Variants in SMOX observed in about 807,000 individuals in gnomAD.
SMOX encodes the protein flavin containing amine oxidase.
In SMOX, 22 loss-of-function variants were observed where a neutral mutation model predicts 51.0. That is an observed-to-expected ratio of 0.43 (90% CI 0.31 to 0.62). The LOEUF (loss-of-function observed/expected upper bound fraction) is 0.62. SMOX is among the 20% of genes least tolerant of loss of function. The probability of loss-of-function intolerance (pLI) is 0.10; values close to 1 mark genes in which losing one functional copy is unlikely to be tolerated. For synonymous variants in SMOX, 282 were observed against 307.8 expected (o/e 0.92, Z 0.88); for missense variants, 566 against 777.7 (o/e 0.73, Z 3.24).
chr20:4,182,854 C>T lies in SMOX; in HGVS notation c.1369+6C>T. 6.3e-7 allele frequency: 1 copy of T among 1,593,266 alleles called. No homozygotes were observed. The highest frequency in any genetic ancestry group is 8.5e-7 in the Non-Finnish European group (1 of 1,175,796). ...GATGCTGCGTCAGTTCACAGGTGCG[C>T]CACGTGCCCCACGACCCGCTTCCCC... is the stretch of plus-strand genomic sequence containing the variant. On this transcript the variant is annotated splice_donor_region_variant and intron_variant, in intron 5 of 6. Coordinates refer to ENST00000305958, the MANE Select transcript of SMOX (RefSeq NM_175839.3). The surrounding 1 kb of genome is among the most constrained non-coding windows in gnomAD (Gnocchi z 8.4).
chr20:4,156,440 T>C (rs1986023384), intron 1 of SMOX, among the ~76,000 whole-genome samples: 1 of 151,980 alleles, frequency 6.6e-6, no homozygotes, highest in African/African-American at 2.4e-5. Flanking sequence ...GAGGCCTCAG[T>C]TTCTTCATCT....
intron 1 of SMOX, among the ~76,000 whole-genome samples, chr20:4,157,204 T>C (rs1049711116): frequency 2.0e-5 from 3 of 152,182 alleles, no homozygotes; most frequent in African/African-American, 7.2e-5. Context: ...ATTTGTACCA[T>C]GAGGGTAATA....
In SMOX at chr20:4,166,284, C is replaced by T. The variant is rs1354995834; in HGVS notation, c.-26-8746C>T. 3.9e-5 allele frequency among the ~76,000 whole-genome samples: 6 copies of T among 152,212 alleles called. No homozygotes were observed. In the East Asian group the frequency reaches 1.2e-3, roughly 29 times the overall value. On this transcript the variant is annotated intron_variant, in intron 1 of 6. Coordinates refer to ENST00000305958, the MANE Select transcript of SMOX (RefSeq NM_175839.3). This position sits in a 1 kb window ranked among gnomAD's most constrained non-coding sequence, Gnocchi z 4.2. ...AAGCTCTGTTCTGGCCCATCTCTACCTGTGTCTCTCTCTGATACTGTCATC... is the reference window on the plus strand; with the variant it reads ...AAGCTCTGTTCTGGCCCATCTCTACTTGTGTCTCTCTCTGATACTGTCATC...
At chr20:4,176,021 T>G (rs1978822175) in intron 2 of SMOX, 1 of 132,592 alleles carries the variant, frequency 7.5e-6, no homozygotes, top group African/African-American at 3.2e-5. Context: ...CTAGAGGAGT[T>G]TTTTTTTTTT....
intron 3 of SMOX, among the ~76,000 whole-genome samples, chr20:4,178,689 T>TTTC (rs1555815773): frequency 0.035 from 525 of 14,848 alleles, 7 homozygotes; most frequent in East Asian, 0.27. Flanking sequence ...TCTTTCTTTC[T>TTTC]TTTTTTTTTT....
rs776490148 is a variant in SMOX at position 4,182,264 on chromosome 20, G to A, written c.785G>A (p.Arg262His). 8 of 1,613,392 alleles carry A rather than the reference G, an allele frequency of 5.0e-6. No homozygotes were observed. The highest frequency in any genetic ancestry group is 2.2e-5 in the East Asian group (1 of 44,846). ...GTCATCCAGCTAGGGAAACCTGTCC[G>A]CTGCATTCACTGGGACCAGGCCTCA... ...AHVIQLGKPVRCIHWDQASAR... is the reference protein window; with the variant it reads ...AHVIQLGKPVHCIHWDQASAR... Residue 262 changes from arginine to histidine, a missense_variant, in exon 5 of 7, where the codon CGC becomes CAC. By Grantham distance (29) the Arg-to-His change is conservative (BLOSUM62 0). Coordinates refer to ENST00000305958, the MANE Select transcript of SMOX (RefSeq NM_175839.3). This position sits in a 1 kb window ranked among gnomAD's most constrained non-coding sequence, Gnocchi z 8.4.
At position 4,182,950 on chromosome 20, in the gene SMOX, G is replaced by C. The variant is rs1015759719; in HGVS notation, c.1369+102G>C. The C allele has an allele frequency of 4.1e-6, 6 of 1,448,236 alleles. 1 individual carries two copies. In the African/African-American group the frequency reaches 4.2e-5, roughly 10 times the overall value. 89.7% of individuals were successfully genotyped at this position (1,448,236 alleles called of 1,614,324 possible). On this transcript the variant is annotated intron_variant, in intron 5 of 6. Transcript: ENST00000305958. The surrounding 1 kb of genome is among the most constrained non-coding windows in gnomAD (Gnocchi z 8.4). ...AGCTCTCTCCTCCCCAGACCGTGAAGCTCGGATGCTGTGCCCCACGGGAGA... is the reference window on the plus strand; with the variant it reads ...AGCTCTCTCCTCCCCAGACCGTGAACCTCGGATGCTGTGCCCCACGGGAGA...
Position 4,175,129 on chromosome 20 carries a change from C to A in SMOX, c.74C>A (p.Pro25His), listed in dbSNP as rs1978735904. The A allele has an allele frequency of 6.2e-7, 1 of 1,614,246 alleles. No homozygotes were observed. Among genetic ancestry groups the A allele is most frequent in the Non-Finnish European group, 8.5e-7 (1 of 1,180,052 alleles). ...CGCGGCCTACGGAGAAGGGGACAGCCTCGTGTGGTGGTGATCGGCGCCGGC... is the reference window on the plus strand; with the variant it reads ...CGCGGCCTACGGAGAAGGGGACAGCATCGTGTGGTGGTGATCGGCGCCGGC... ...LSRGLRRRGQPRVVVIGAGLA... is the reference protein window; with the variant it reads ...LSRGLRRRGQHRVVVIGAGLA... Residue 25 changes from proline to histidine, a missense_variant, in exon 2 of 7, where the codon CCT becomes CAT. Coordinates refer to ENST00000305958, the MANE Select transcript of SMOX (RefSeq NM_175839.3).
intron 6 of SMOX, among the ~76,000 whole-genome samples, chr20:4,185,556 T>G (rs1979665907): frequency 1.2e-5 from 1 of 86,032 alleles, no homozygotes; most frequent in Admixed American, 1.2e-4. Flanking sequence ...TTGCAGTGAG[T>G]TGAGATCATG....
chr20:4,178,866 A>G (rs1475899568), intron 3 of SMOX, among the ~76,000 whole-genome samples: 1 of 152,048 alleles, frequency 6.6e-6, no homozygotes, highest in Non-Finnish European at 1.5e-5. Context: ...TATTTTTAGT[A>G]GAAATGGGGT....
chr20:4,161,094 A>G (rs1456315661), intron 1 of SMOX, among the ~76,000 whole-genome samples: 5 of 152,110 alleles, frequency 3.3e-5, no homozygotes, highest in Non-Finnish European at 7.4e-5. Flanking sequence ...GTTCTCCTTC[A>G]CCCCAGAATT....
chr20:4,180,607 A>G (rs1979248291), intron 3 of SMOX, among the ~76,000 whole-genome samples: 2 of 151,954 alleles, frequency 1.3e-5, no homozygotes, highest in African/African-American at 2.4e-5. Context: ...CCTTGGAATA[A>G]CTCTCAGTCC....
chr20:4,177,249 T>G lies in SMOX; in HGVS notation c.209-102T>G, dbSNP rs938952868. ...AAGTTCAAGCTCTTTCCTGCCCTGT[T>G]GTAGGGTGGAAAGACCCTCTTGGAG... is the stretch of plus-strand genomic sequence containing the variant. On this transcript the variant is annotated intron_variant, in intron 2 of 6. Transcript: ENST00000305958. This position sits in a 1 kb window ranked among gnomAD's most constrained non-coding sequence, Gnocchi z 4.3. The G allele has an allele frequency of 4.9e-6, 5 of 1,017,372 alleles. No homozygotes were observed. The highest frequency in any genetic ancestry group is 3.2e-5 in the African/African-American group (2 of 61,606). The allele number at this position is 1,017,372 out of a possible 1,614,324, so 63.0% of individuals were successfully genotyped here.
Position 4,181,880 on chromosome 20 carries a change from C to T in SMOX, c.513C>T (p.Phe171=). ...AAAGTCAAAATAGCGTGGGGGTGTT[C>T]ACCCGAGAGGAGGTGCGTAACCGCA... is the stretch of plus-strand genomic sequence containing the variant. ...NAESQNSVGV[F]TREEVRNRIR... is the part of the protein sequence containing the mutation. The change falls in exon 4 of 7, where the codon TTC becomes TTT. Residue 171 remains phenylalanine (F), a synonymous_variant. Transcript: ENST00000305958. The surrounding 1 kb of genome is among the most constrained non-coding windows in gnomAD (Gnocchi z 5.6). 1 of 1,614,136 alleles carries T rather than the reference C, an allele frequency of 6.2e-7. No homozygotes were observed. Among genetic ancestry groups the T allele is most frequent in the African/African-American group, 1.3e-5 (1 of 75,030 alleles).
At chr20:4,178,818 G>A (rs1979098417) in intron 3 of SMOX, among the ~76,000 whole-genome samples, 1 of 152,064 alleles carries the variant, frequency 6.6e-6, no homozygotes. Flanking sequence ...TGAGTAGCTG[G>A]GATTACAGGC....
At chr20:4,160,237 C>T (rs1023851594) in intron 1 of SMOX, among the ~76,000 whole-genome samples, 10 of 152,168 alleles carry the variant, frequency 6.6e-5, no homozygotes, top group Non-Finnish European at 1.2e-4. Context: ...CAGCCCCAGG[C>T]TTTGGCAGTG....
intron 1 of SMOX, among the ~76,000 whole-genome samples, chr20:4,168,659 C>G (rs375830389): frequency 5.3e-5 from 8 of 151,650 alleles, no homozygotes; most frequent in South Asian, 2.1e-4. Context: ...TGGGTTCAAG[C>G]GATTCTCCTG....
chr20:4,157,948 T>C (rs990112415), intron 1 of SMOX, among the ~76,000 whole-genome samples: 10 of 152,130 alleles, frequency 6.6e-5, no homozygotes, highest in Non-Finnish European at 1.0e-4. Context: ...TCGCCCAGGC[T>C]GGAGTGCAGC....
At chr20:4,157,978 G>A (rs1298688196) in intron 1 of SMOX, among the ~76,000 whole-genome samples, 2 of 152,026 alleles carry the variant, frequency 1.3e-5, no homozygotes, top group African/African-American at 4.8e-5. Context: ...TCGGCTCACT[G>A]CAACCTCCGC....
Sources: allele counts gnomAD v4.1 joint callset (sites outside exome capture counted in the v4.1 genomes callset), GRCh38; gene constraint gnomAD v4.1.1; non-coding constraint Gnocchi (gnomAD v3.1); transcripts MANE v1.5; gene names NCBI Gene and HGNC (gene_info 2026-07-23, HGNC 2026-07-21).